Variants in PRKN observed in about 807,000 individuals in gnomAD.
PRKN encodes E3 ubiquitin-protein ligase parkin.
In PRKN, 56 loss-of-function variants were observed where a neutral mutation model predicts 59.5. That is an observed-to-expected ratio of 0.94 (90% CI 0.76 to 1.18). The LOEUF is 1.18. PRKN is among the 50% of genes most tolerant of loss of function. The pLI is 0.00. For missense variants in PRKN, 657 were observed against 596.4 expected (o/e 1.10, Z -1.06); for synonymous variants, 250 against 222.1 (o/e 1.13, Z -1.12).
At chr6:162,420,370 T>G (rs1209571951) in intron 2 of PRKN, among the ~76,000 whole-genome samples, 1 of 152,168 alleles carries the variant, frequency 6.6e-6, no homozygotes, top group Non-Finnish European at 1.5e-5. Context: ...CTTCTATTAG[T>G]TAAAAGGTTG....
chr6:162,381,177 C>G (rs1428412371), intron 2 of PRKN, among the ~76,000 whole-genome samples: 1 of 152,160 alleles, frequency 6.6e-6, no homozygotes, highest in African/African-American at 2.4e-5. Context: ...AGTGTCTGGG[C>G]ATCGTCTCCA....
rs543788433 is a variant in PRKN, at chr6:162,441,661, T to G, written c.171+1649A>C. 3.3e-5 allele frequency among the ~76,000 whole-genome samples: 5 copies of G among 152,304 alleles called. No homozygotes were observed. The South Asian group carries it at 1.0e-3, about 32-fold the overall frequency. On this transcript the variant is annotated intron_variant, in intron 2 of 11. Coordinates refer to ENST00000366898, the MANE Select transcript of PRKN (RefSeq NM_004562.3). ...TTTAGGGCTCATAAATAAAGAGCAG[T>G]CTCCATGAAAACAGGGGCTGAGTTA...
chr6:161,360,028 G>A lies in PRKN; in HGVS notation c.1285+60C>T. ...TCCTTTAATCCTGGAATCCCTGATG[G>A]GTATGATTCTCCCCCAAAGAGCACA... On this transcript the variant is annotated intron_variant, in intron 11 of 11. Coordinates refer to ENST00000366898, the MANE Select transcript of PRKN (RefSeq NM_004562.3). This position sits in a 1 kb window ranked among gnomAD's most constrained non-coding sequence, Gnocchi z 5.1. 1 of 1,227,044 alleles carries A rather than the reference G, an allele frequency of 8.1e-7. No individual in the cohort carries two copies. The highest frequency in any genetic ancestry group is 1.7e-5 in the Admixed American group (1 of 59,536). The allele number at this position is 1,227,044 out of a possible 1,614,324, so 76.0% of individuals were successfully genotyped here.
rs1290209327 is a variant in PRKN at position 161,355,957 on chromosome 6, C to T, written c.1285+4131G>A. On this transcript the variant is annotated intron_variant, in intron 11 of 11. Coordinates refer to ENST00000366898, the MANE Select transcript of PRKN (RefSeq NM_004562.3). This position sits in a 1 kb window ranked among gnomAD's most constrained non-coding sequence, Gnocchi z 6.8. ...TGAGATGGAAAGGGAGGAGGGCAGA[C>T]TGGGCAGAGGAGAAGCCCAGCTCGG... is the stretch of plus-strand genomic sequence containing the variant. Among the ~76,000 whole-genome samples, 1 of 152,166 alleles carries T rather than the reference C, an allele frequency of 6.6e-6. No individual in the cohort carries two copies. Among genetic ancestry groups the T allele is most frequent in the Non-Finnish European group, 1.5e-5 (1 of 68,032 alleles).
At chr6:162,532,631 GAATT>G (rs1330317554) in intron 1 of PRKN, among the ~76,000 whole-genome samples, 11 of 152,150 alleles carry the variant, frequency 7.2e-5, no homozygotes, top group African/African-American at 1.2e-4. Flanking sequence ...ACTTCCGTCT[GAATT>G]AATAAGAAAT....
Position 161,814,647 on chromosome 6 carries a change from C to T in PRKN, c.735-28739G>A, listed in dbSNP as rs1275780361. 2.0e-5 allele frequency among the ~76,000 whole-genome samples: 3 copies of T among 152,150 alleles called. No individual in the cohort carries two copies. The East Asian group carries it at 5.8e-4, about 29-fold the overall frequency. On this transcript the variant is annotated intron_variant, in intron 6 of 11. Coordinates refer to ENST00000366898, the MANE Select transcript of PRKN (RefSeq NM_004562.3). ...CCTCCCAAGTAGCTGAGATTACAGG[C>T]ATGTGCCACCACGCCCAGCTAATTT...
Position 161,546,977 on chromosome 6 carries a change from C to T in PRKN, c.1083+1877G>A, listed in dbSNP as rs113317890. Among the ~76,000 whole-genome samples the T allele has an allele frequency of 2.0e-5, 3 of 152,268 alleles. No homozygotes were observed. The highest frequency in any genetic ancestry group is 7.2e-5 in the African/African-American group (3 of 41,558). On this transcript the variant is annotated intron_variant, in intron 9 of 11. Transcript: ENST00000366898. The surrounding 1 kb of genome is among the most constrained non-coding windows in gnomAD (Gnocchi z 4.4). ...ACCTTGGAAGTAGATCTTCCAGCCC[C>T]AGTTAAGCCTCCAGATAACTGTGAC...
At chr6:161,678,834 G>T (rs113716320) in intron 7 of PRKN, among the ~76,000 whole-genome samples, 9,060 of 152,138 alleles carry the variant, frequency 0.06, 323 homozygotes, top group African/African-American at 0.089. Context: ...CCCAAAGTGC[G>T]GAGATTACAG....
rs763199446 is a variant in PRKN, at chr6:162,636,038, T to A, written c.7+91624A>T. 1.8e-4 allele frequency among the ~76,000 whole-genome samples: 28 copies of A among 152,290 alleles called. 1 individual carries two copies. Among genetic ancestry groups the A allele is most frequent in the Non-Finnish European group, 3.5e-4 (24 of 68,026 alleles). ...GGAATTCTGTAAAAATTAAAATGGT[T>A]CTGTTCTCCTGAGTGCTGTGACTGA... On this transcript the variant is annotated intron_variant, in intron 1 of 11. Transcript: ENST00000366898.
Position 161,901,427 on chromosome 6 carries a change from T to G in PRKN, c.734+71875A>C, listed in dbSNP as rs558347221. ...GGCAGGCCAGTCTCCTTCACCCCTG[T>G]GCCTGGAGTGAGTAAATTCGTCTCA... On this transcript the variant is annotated intron_variant, in intron 6 of 11. Coordinates refer to ENST00000366898, the MANE Select transcript of PRKN (RefSeq NM_004562.3). Among the ~76,000 whole-genome samples the G allele has an allele frequency of 5.3e-5, 8 of 152,256 alleles. No homozygotes were observed. The South Asian group carries it at 1.7e-3, about 32-fold the overall frequency.
At chr6:161,632,439 G>C (rs1783350655) in intron 7 of PRKN, among the ~76,000 whole-genome samples, 1 of 152,174 alleles carries the variant, frequency 6.6e-6, no homozygotes, top group Non-Finnish European at 1.5e-5. Context: ...TGACATTTGG[G>C]TGAAATTGCA....
At chr6:162,331,681 T>C (rs1309767138) in intron 2 of PRKN, among the ~76,000 whole-genome samples, 1 of 152,200 alleles carries the variant, frequency 6.6e-6, no homozygotes, top group Non-Finnish European at 1.5e-5. Flanking sequence ...AATTTATTCT[T>C]CCAGAACCTT....
At chr6:161,980,441 CAG>C (rs112840176) in intron 5 of PRKN, among the ~76,000 whole-genome samples, 3 of 152,260 alleles carry the variant, frequency 2.0e-5, no homozygotes, top group African/African-American at 7.2e-5. Flanking sequence ...GTTAGGAAAA[CAG>C]GGCCCACACC....
rs753858812 is a variant in PRKN, at chr6:161,414,802, G to A, written c.1084-27925C>T. 6.6e-6 allele frequency among the ~76,000 whole-genome samples: 1 copy of A among 152,164 alleles called. No individual in the cohort carries two copies. Among genetic ancestry groups the A allele is most frequent in the East Asian group, 1.9e-4 (1 of 5,194 alleles). On this transcript the variant is annotated intron_variant, in intron 9 of 11. Coordinates refer to ENST00000366898, the MANE Select transcript of PRKN (RefSeq NM_004562.3). This position sits in a 1 kb window ranked among gnomAD's most constrained non-coding sequence, Gnocchi z 5.3. ...GGCAGGGCAGCCGCTGAACAGCACCGGGAGGGTCTGTAGTTGCCAGACTCT... is the reference window on the plus strand; with the variant it reads ...GGCAGGGCAGCCGCTGAACAGCACCAGGAGGGTCTGTAGTTGCCAGACTCT...
intron 7 of PRKN, among the ~76,000 whole-genome samples, chr6:161,603,817 G>T (rs1281248982): frequency 1.3e-5 from 2 of 152,214 alleles, no homozygotes; most frequent in African/African-American, 4.8e-5. Flanking sequence ...CTTTAGAAAT[G>T]AGTAAGATTA....
At chr6:162,563,317 C>CAAAAAA (rs55881751) in intron 1 of PRKN, among the ~76,000 whole-genome samples, 1 of 145,716 alleles carries the variant, frequency 6.9e-6, no homozygotes, top group African/African-American at 2.5e-5. Flanking sequence ...AAACAAAAAA[C>CAAAAAA]AAAAAAAAAA....
chr6:161,757,919 ACATC>A (rs1789017522), intron 7 of PRKN, among the ~76,000 whole-genome samples: 4 of 124,970 alleles, frequency 3.2e-5, no homozygotes, highest in Non-Finnish European at 6.7e-5. Context: ...ACACACACAC[ACATC>A]TCTCTCTCTG....
intron 6 of PRKN, among the ~76,000 whole-genome samples, chr6:161,866,500 G>T (rs62438261): frequency 0.3 from 44,821 of 151,842 alleles, 7,346 homozygotes; most frequent in Non-Finnish European, 0.37. Flanking sequence ...ACATGAACCC[G>T]GGAGGCGGAG....
At chr6:161,383,474 C>T (rs1361197441) in intron 10 of PRKN, among the ~76,000 whole-genome samples, 2 of 152,180 alleles carry the variant, frequency 1.3e-5, no homozygotes, top group Non-Finnish European at 2.9e-5. Context: ...TGTCTGGCTT[C>T]GGTGGGGTAT....
Sources: gnomAD v4.1 joint callset for allele counts (sites outside exome capture counted in the v4.1 genomes callset) on GRCh38, gnomAD v4.1.1 for gene constraint, Gnocchi (gnomAD v3.1) non-coding constraint, MANE v1.5 for transcripts, NCBI Gene and HGNC (gene_info 2026-07-23, HGNC 2026-07-21) for gene names.